Variants in ARID4B observed in about 807,000 individuals in gnomAD.
ARID4B encodes the protein AT-rich interaction domain 4B.
Under a neutral mutation model 147.5 loss-of-function variants are expected in ARID4B, and 26 were observed. The observed-to-expected ratio is 0.18, with a 90% CI of 0.13 to 0.24. The LOEUF (loss-of-function observed/expected upper bound fraction) is 0.24. Ranked by LOEUF, ARID4B falls within the 10% of genes least tolerant of loss-of-function variation. ARID4B has a pLI of 1.00. For missense variants in ARID4B, 1,179 were observed against 1,511.5 expected (o/e 0.78, Z 3.65); for synonymous variants, 512 against 507.9 (o/e 1.01, Z -0.11).
At chr1:235,231,594 CT>C (rs1668239931) in intron 9 of ARID4B, among the ~76,000 whole-genome samples, 1 of 152,164 alleles carries the variant, frequency 6.6e-6, no homozygotes, top group African/African-American at 2.4e-5. Context: ...TCAAGCGATT[CT>C]TCTGCCTCAA....
Position 235,173,262 on chromosome 1 carries a change from T to G in ARID4B, c.3665-498A>C, listed in dbSNP as rs568953919. On this transcript the variant is annotated intron_variant, in intron 22 of 23. Coordinates refer to ENST00000264183, the MANE Select transcript of ARID4B (RefSeq NM_016374.6). ...GGGAGGCTGGGGCAGGATAATCGCT[T>G]GAATCTGGAAGGTGGAGGTTGGAGT... 1.2e-4 allele frequency among the ~76,000 whole-genome samples: 19 copies of G among 152,286 alleles called. No individual in the cohort carries two copies. In the South Asian group the frequency reaches 3.9e-3, roughly 32 times the overall value.
chr1:235,280,060 G>A (rs188258037), intron 2 of ARID4B, among the ~76,000 whole-genome samples: 22 of 152,184 alleles, frequency 1.4e-4, no homozygotes, highest in Admixed American at 5.2e-4. Flanking sequence ...TCCTGTGAGC[G>A]CACCTTGTGA....
intron 19 of ARID4B, among the ~76,000 whole-genome samples, chr1:235,189,469 T>G (rs1664934322): frequency 6.8e-6 from 1 of 146,012 alleles, no homozygotes; most frequent in Non-Finnish European, 1.5e-5. Context: ...ACAAAAGGAT[T>G]AAAAGACAAA....
intron 2 of ARID4B, among the ~76,000 whole-genome samples, chr1:235,265,946 A>T (rs112772698): frequency 1.8e-3 from 266 of 151,586 alleles, no homozygotes; most frequent in African/African-American, 4.6e-3. Flanking sequence ...ATTGTTTTTT[A>T]AAAAAAAATG....
At chr1:235,202,883 A>G (rs912067279) in intron 17 of ARID4B, among the ~76,000 whole-genome samples, 1 of 152,132 alleles carries the variant, frequency 6.6e-6, no homozygotes, top group Non-Finnish European at 1.5e-5. Flanking sequence ...CTCCAAGACC[A>G]TAAGTACACA....
chr1:235,221,771 C>A, intron 13 of ARID4B, 109 bp from the exon 14 acceptor site: 1 of 442,454 alleles, frequency 2.3e-6, no homozygotes, highest in South Asian at 8.0e-5. Flanking sequence ...TGGTCCTAGA[C>A]TCAAAAGAAT....
rs562960908 is a variant in ARID4B at position 235,311,971 on chromosome 1, T to C, written c.6+14943A>G. 3.3e-5 allele frequency among the ~76,000 whole-genome samples: 5 copies of C among 152,164 alleles called. No homozygotes were observed. The South Asian group carries it at 1.0e-3, about 32-fold the overall frequency. ...AGAAGAATGACACAGACTTGTGTAA[T>C]ATGTACTGATATAGAAGAATGTAAA... On this transcript the variant is annotated intron_variant, in intron 2 of 23. Coordinates refer to ENST00000264183, the MANE Select transcript of ARID4B (RefSeq NM_016374.6).
chr1:235,184,871 C>G (rs775625623), intron 19 of ARID4B, among the ~76,000 whole-genome samples: 1 of 152,110 alleles, frequency 6.6e-6, no homozygotes, highest in Non-Finnish European at 1.5e-5. Flanking sequence ...GGCTGGAGTA[C>G]AGTGGTGTGA....
rs557312266 is a variant in ARID4B at position 235,318,795 on chromosome 1, C to T, written c.6+8119G>A. Among the ~76,000 whole-genome samples, 7 of 151,950 alleles carry T rather than the reference C, an allele frequency of 4.6e-5. No homozygotes were observed. The South Asian group carries it at 8.4e-4, about 18-fold the overall frequency. ...ACTTGGGAGCTGGAGGCAGGAAGAT[C>T]GCTTGAACCCAGGAGGTCGATGCTG... On this transcript the variant is annotated intron_variant, in intron 2 of 23. Coordinates refer to ENST00000264183, the MANE Select transcript of ARID4B (RefSeq NM_016374.6).
chr1:235,268,657 T>C (rs752128996), intron 2 of ARID4B, among the ~76,000 whole-genome samples: 1 of 152,144 alleles, frequency 6.6e-6, no homozygotes, highest in Non-Finnish European at 1.5e-5. Context: ...GCCTCCCAAG[T>C]AGCTGGGATT....
chr1:235,260,300 T>C (rs546323519), intron 3 of ARID4B, among the ~76,000 whole-genome samples: 1 of 152,256 alleles, frequency 6.6e-6, no homozygotes, highest in Admixed American at 6.5e-5. Context: ...TTTGGCATAA[T>C]GGCCTTGGAG....
At chr1:235,193,632 TTTGA>T (rs1246320818) in intron 19 of ARID4B, among the ~76,000 whole-genome samples, 2 of 152,142 alleles carry the variant, frequency 1.3e-5, no homozygotes, top group African/African-American at 4.8e-5. Context: ...TAATAAAAAA[TTTGA>T]GGCCTCAATC....
At chr1:235,215,882 C>T (rs1049222795) in intron 16 of ARID4B, among the ~76,000 whole-genome samples, 1 of 151,566 alleles carries the variant, frequency 6.6e-6, no homozygotes, top group Non-Finnish European at 1.5e-5. Context: ...AGCCACTGTG[C>T]CCACCTGATG....
intron 2 of ARID4B, among the ~76,000 whole-genome samples, chr1:235,286,703 G>A (rs939243212): frequency 1.3e-5 from 2 of 152,204 alleles, no homozygotes; most frequent in Non-Finnish European, 2.9e-5. Flanking sequence ...GGAGAAGCAA[G>A]GCCTGATAGC....
At chr1:235,307,827 A>C (rs535503881) in intron 2 of ARID4B, among the ~76,000 whole-genome samples, 40 of 152,102 alleles carry the variant, frequency 2.6e-4, no homozygotes, top group Non-Finnish European at 5.0e-4. Context: ...TCTAATTTAT[A>C]ATACTAATTT....
intron 17 of ARID4B, among the ~76,000 whole-genome samples, chr1:235,208,170 T>C (rs996055451): frequency 2.6e-5 from 4 of 152,218 alleles, no homozygotes; most frequent in African/African-American, 7.2e-5. Context: ...TTAAATTCCA[T>C]GCCAATTAGT....
At chr1:235,267,115 C>T (rs1173290204) in intron 2 of ARID4B, among the ~76,000 whole-genome samples, 1 of 151,532 alleles carries the variant, frequency 6.6e-6, no homozygotes, top group African/African-American at 2.4e-5. Context: ...CCGTCTCTAC[C>T]AGAAATACAA....
chr1:235,251,670 AAAT>A (rs1336241950), intron 6 of ARID4B, among the ~76,000 whole-genome samples: 4 of 151,890 alleles, frequency 2.6e-5, no homozygotes, highest in South Asian at 2.1e-4. Context: ...TTAAAGTAAT[AAAT>A]AATAACAAAT....
rs1339914497 is a variant in ARID4B at position 235,182,283 on chromosome 1, T to C, written c.2636A>G (p.Tyr879Cys). 6.2e-7 allele frequency: 1 copy of C among 1,613,898 alleles called. No homozygotes were observed. Among genetic ancestry groups the C allele is most frequent in the Admixed American group, 1.7e-5 (1 of 59,960 alleles). ...TKAKMTPTKK[Y>C]NGLEEKRKSL... ...TTTTCTTTTTTCCTCCAAACCATTGTATTTCTTAGTTGGTGTCATCTTTGC... is the reference window on the plus strand; with the variant it reads ...TTTTCTTTTTTCCTCCAAACCATTGCATTTCTTAGTTGGTGTCATCTTTGC... The change falls in exon 20 of 24, where the codon TAC (tyrosine) becomes TGC (cysteine). Residue 879 changes from tyrosine to cysteine, a missense_variant. Tyr to Cys is a radical substitution (Grantham distance 194). Around this residue, in one of 10 missense-constraint regions of ARID4B, gnomAD observed 321 missense variants for 342.4 expected, o/e 0.94. Coordinates refer to ENST00000264183, the MANE Select transcript of ARID4B (RefSeq NM_016374.6).
Sources: allele counts gnomAD v4.1 joint callset (sites outside exome capture counted in the v4.1 genomes callset), GRCh38; gene constraint gnomAD v4.1.1; regional missense constraint gnomAD v4.1.1; transcripts MANE v1.5; gene names NCBI Gene and HGNC (gene_info 2026-07-23, HGNC 2026-07-21).